The following ANKS1A variants were observed in gnomAD, a reference collection of about 807,000 sequenced individuals.
ANKS1A encodes the protein ankyrin repeat and sterile alpha motif domain containing 1A.
Under a neutral mutation model 120.3 loss-of-function variants are expected in ANKS1A, and 55 were observed. The observed-to-expected ratio is 0.46, with a 90% CI of 0.37 to 0.57. The LOEUF (loss-of-function observed/expected upper bound fraction) is 0.57, where lower values mean the gene tolerates loss of function less well. Among genes scored for constraint, ANKS1A ranks in the 20% least tolerant of loss-of-function variants. The probability of loss-of-function intolerance (pLI) is 0.00; values close to 1 mark genes in which losing one functional copy is unlikely to be tolerated. For synonymous variants in ANKS1A, 590 were observed against 604.7 expected (o/e 0.98, Z 0.36); for missense variants, 1,123 against 1,480.3 (o/e 0.76, Z 3.96).
At chr6:34,938,146 T>C (rs1282463244) in intron 1 of ANKS1A, among the ~76,000 whole-genome samples, 4 of 152,238 alleles carry the variant, frequency 2.6e-5, no homozygotes, top group African/African-American at 9.6e-5. Flanking sequence ...TTACCTCTCA[T>C]CCATTTTAAA....
chr6:34,889,501 GGGCGGC>G lies in ANKS1A; in HGVS notation c.108_113del (p.Gly38_Gly39del). ...GGAAGCGGCTCTCCTCAGGCTTTGG[GGGCGGC>G]GGCGGCGGTGGCTCTGGGGGCGGCG... On this transcript the variant is annotated inframe_deletion, in exon 1 of 24. Coordinates refer to ENST00000360359, the MANE Select transcript of ANKS1A (RefSeq NM_015245.3). This position sits in a 1 kb window ranked among gnomAD's most constrained non-coding sequence, Gnocchi z 5.5. 1 of 1,277,036 alleles carries G rather than the reference GGGCGGC, an allele frequency of 7.8e-7. No individual in the cohort carries two copies. The highest frequency in any genetic ancestry group is 9.8e-7 in the Non-Finnish European group (1 of 1,020,700). 79.1% of individuals were successfully genotyped at this position (1,277,036 alleles called of 1,614,324 possible). A position where few individuals can be genotyped will look rare whatever the true frequency, so the allele number is the denominator to read the frequency against.
At chr6:34,895,883 G>A (rs1430480296) in intron 1 of ANKS1A, among the ~76,000 whole-genome samples, 3 of 135,408 alleles carry the variant, frequency 2.2e-5, no homozygotes, top group Non-Finnish European at 4.6e-5. Context: ...TCCACCTCCC[G>A]GGTTCAAGCG....
chr6:34,973,861 C>CT (rs1561881700), intron 3 of ANKS1A, among the ~76,000 whole-genome samples: 7 of 56,070 alleles, frequency 1.2e-4, no homozygotes, highest in Non-Finnish European at 1.6e-4. Context: ...TCCCCTTGCC[C>CT]TCCCCTTCCC....
downstream of ANKS1A, chr6:35,091,547 T>C (rs546626889): frequency 9.3e-5 from 51 of 547,342 alleles, no homozygotes; most frequent in Non-Finnish European, 1.2e-4. Context: ...GCTTGGCTGT[T>C]TGGCTTTCTG....
At chr6:34,938,620 G>A (rs924489284) in intron 1 of ANKS1A, among the ~76,000 whole-genome samples, 1 of 152,154 alleles carries the variant, frequency 6.6e-6, no homozygotes, top group African/African-American at 2.4e-5. Flanking sequence ...CTGATTCTGG[G>A]ATACCCAGAA....
chr6:34,975,447 CA>C (rs11409155), intron 3 of ANKS1A, among the ~76,000 whole-genome samples: 12 of 140,818 alleles, frequency 8.5e-5, no homozygotes, highest in Non-Finnish European at 9.1e-5. Context: ...GAGTGAGACT[CA>C]AAAAAAAAAA....
rs1156911680 is a variant in ANKS1A at position 35,088,816 on chromosome 6, G to T, written c.*207G>T. The T allele has an allele frequency of 6.7e-6, 10 of 1,481,752 alleles. No homozygotes were observed. The highest frequency in any genetic ancestry group is 7.2e-6 in the Non-Finnish European group (8 of 1,117,564). The allele number at this position is 1,481,752 out of a possible 1,614,324, so 91.8% of individuals were successfully genotyped here. On this transcript the variant is annotated 3_prime_UTR_variant, in exon 24 of 24. Coordinates refer to ENST00000360359, the MANE Select transcript of ANKS1A (RefSeq NM_015245.3). ...CCTTGGCTGTGGAGAAGCACTCCAG[G>T]CCGCTAGCAGATGGGACTGGCATTC...
At chr6:34,990,086 A>G (rs1002411056) in intron 9 of ANKS1A, among the ~76,000 whole-genome samples, 7 of 152,328 alleles carry the variant, frequency 4.6e-5, no homozygotes, top group African/African-American at 1.7e-4. Context: ...ATCAGCTAAT[A>G]TAAAACAGTT....
At chr6:35,010,090 G>T (rs533118355) in intron 10 of ANKS1A, among the ~76,000 whole-genome samples, 1 of 151,740 alleles carries the variant, frequency 6.6e-6, no homozygotes, top group Non-Finnish European at 1.5e-5. Flanking sequence ...TGGAGGCTGA[G>T]GTGGAAGAAC....
chr6:34,973,250 T>C (rs530409332), intron 3 of ANKS1A, among the ~76,000 whole-genome samples: 27 of 152,286 alleles, frequency 1.8e-4, no homozygotes, highest in Non-Finnish European at 2.4e-4. Flanking sequence ...TCTCCAGCCA[T>C]TAGCTTCTCT....
At chr6:34,993,643 C>CA (rs1459145669) in intron 9 of ANKS1A, among the ~76,000 whole-genome samples, 3 of 152,138 alleles carry the variant, frequency 2.0e-5, no homozygotes, top group Non-Finnish European at 4.4e-5. Context: ...GAAAAGCTCA[C>CA]AAAAATAGAG....
chr6:34,926,269 C>G (rs1345846241), intron 1 of ANKS1A, among the ~76,000 whole-genome samples: 1 of 152,064 alleles, frequency 6.6e-6, no homozygotes, highest in Non-Finnish European at 1.5e-5. Flanking sequence ...CTGCTGGGGT[C>G]TTGGACTTTC....
At chr6:34,924,201 G>C (rs1426318290) in intron 1 of ANKS1A, among the ~76,000 whole-genome samples, 1 of 151,884 alleles carries the variant, frequency 6.6e-6, no homozygotes, top group East Asian at 1.9e-4. Context: ...CTGAGAAGTT[G>C]GTCAGGGTGT....
At chr6:34,937,722 A>G (rs1561858936) in intron 1 of ANKS1A, among the ~76,000 whole-genome samples, 1 of 152,214 alleles carries the variant, frequency 6.6e-6, no homozygotes, top group Non-Finnish European at 1.5e-5. Flanking sequence ...ACAAGGCATG[A>G]AATCCTTCAT....
intron 10 of ANKS1A, chr6:35,005,916 C>T (rs1279690877): frequency 1.7e-5 from 5 of 301,194 alleles, no homozygotes; most frequent in South Asian, 5.3e-5. Flanking sequence ...AGGCCGGGCG[C>T]GGTGGCTCAT....
At chr6:34,944,989 A>C (rs189703067) in intron 1 of ANKS1A, among the ~76,000 whole-genome samples, 14 of 152,292 alleles carry the variant, frequency 9.2e-5, no homozygotes, top group African/African-American at 3.4e-4. Context: ...AGTCATCATC[A>C]ATCTCAAGTT....
chr6:35,065,892 C>G (rs1262391170), intron 13 of ANKS1A, among the ~76,000 whole-genome samples: 1 of 152,254 alleles, frequency 6.6e-6, no homozygotes, highest in Non-Finnish European at 1.5e-5. Context: ...GCCACCACCA[C>G]TGCCTGGCCC....
At chr6:35,017,347 C>A in intron 10 of ANKS1A, 126 bp from the exon 11 acceptor site, 1 of 953,524 alleles carries the variant, frequency 1.0e-6, no homozygotes, top group Non-Finnish European at 1.5e-6. Flanking sequence ...CCTCCCCAGC[C>A]TATCCAGTTT....
At chr6:34,899,774 C>A (rs1767257934) in intron 1 of ANKS1A, among the ~76,000 whole-genome samples, 1 of 152,214 alleles carries the variant, frequency 6.6e-6, no homozygotes, top group Non-Finnish European at 1.5e-5. Context: ...TCATAACTAT[C>A]CACATCATGC....
Sources: allele counts gnomAD v4.1 joint callset (sites outside exome capture counted in the v4.1 genomes callset), GRCh38; gene constraint gnomAD v4.1.1; non-coding constraint Gnocchi (gnomAD v3.1); transcripts MANE v1.5; gene names NCBI Gene and HGNC (gene_info 2026-07-23, HGNC 2026-07-21).